NUP188: variants seen among roughly 807,000 people sequenced by gnomAD.
NUP188 encodes the protein nucleoporin NUP188.
A neutral mutation model predicts 223.0 loss-of-function variants in NUP188; 97 were observed. The ratio of observed to expected loss-of-function variants is 0.43; its 90% confidence interval spans 0.37 to 0.51. The LOEUF (loss-of-function observed/expected upper bound fraction) is 0.51. NUP188 is among the 20% of genes least tolerant of loss of function. NUP188 has a pLI of 0.00. For missense variants in NUP188, 1,947 were observed against 2,175.6 expected (o/e 0.89, Z 2.09); for synonymous variants, 869 against 828.0 (o/e 1.05, Z -0.85).
rs868722447 is a variant in NUP188, at chr9:128,994,735, C to A, written c.3088-121C>A. ...TCTTGCAAGTCAGGACATTCACATTCAACAGGGGTTGTGCTAACTTGTTCT... is the reference window on the plus strand; with the variant it reads ...TCTTGCAAGTCAGGACATTCACATTAAACAGGGGTTGTGCTAACTTGTTCT... On this transcript the variant is annotated intron_variant, in intron 28 of 43. Coordinates refer to ENST00000372577, the MANE Select transcript of NUP188 (RefSeq NM_015354.3). 1.6e-5 allele frequency: 13 copies of A among 836,726 alleles called. No homozygotes were observed. In the Middle Eastern group the frequency reaches 1.3e-3, roughly 84 times the overall value. 51.8% of individuals were successfully genotyped at this position (836,726 alleles called of 1,614,324 possible).
intron 12 of NUP188, 82 bp downstream of exon 12, chr9:128,973,331 A>G: frequency 2.3e-6 from 2 of 878,418 alleles, no homozygotes; most frequent in Non-Finnish European, 3.7e-6. Context: ...ATTGGATCTG[A>G]TATTATTTAC....
At chr9:128,983,787 G>A (rs1333323766) in intron 19 of NUP188, among the ~76,000 whole-genome samples, 2 of 151,798 alleles carry the variant, frequency 1.3e-5, no homozygotes, top group African/African-American at 4.8e-5. Flanking sequence ...GAGCCACCAC[G>A]CCCAGCTAAT....
At position 129,005,648 on chromosome 9, in the gene NUP188, C is replaced by T. The variant is rs2131203091; in HGVS notation, c.4741C>T (p.Leu1581=). ...DVCQILLDQS[L]DLAEYNFLFA... ...TGGCTCTTGTCTTTTCTCGCAGTCC[C>T]TGGACCTTGCTGAATACAACTTCCT... Residue 1581 remains leucine, a synonymous_variant, in exon 41 of 44, where the codon CTG becomes TTG. Transcript: ENST00000372577. 2 of 1,613,552 alleles carry T rather than the reference C, an allele frequency of 1.2e-6. No individual in the cohort carries two copies. Among genetic ancestry groups the T allele is most frequent in the African/African-American group, 1.3e-5 (1 of 75,028 alleles).
rs774514245 is a variant in NUP188, at chr9:128,983,376, C to A, written c.1880C>A (p.Ala627Glu). The change falls in exon 18 of 44, where the codon GCA becomes GAA. Residue 627 changes from alanine to glutamate, a missense_variant. Physicochemically the swap from Ala to Glu is moderately radical, Grantham distance 107. Transcript: ENST00000372577. ...CLTVLAARNPAKVWTDLRHTG... is the reference protein window; with the variant it reads ...CLTVLAARNPEKVWTDLRHTG... ...ACTGTTTTGGCTGCCCGCAATCCAGCAAAGGTGAGATGCCAGATCTTCCCA... is the reference window on the plus strand; with the variant it reads ...ACTGTTTTGGCTGCCCGCAATCCAGAAAAGGTGAGATGCCAGATCTTCCCA... 3 of 1,614,142 alleles carry A rather than the reference C, an allele frequency of 1.9e-6. No individual in the cohort carries two copies. The highest frequency in any genetic ancestry group is 1.1e-5 in the South Asian group (1 of 91,080).
intron 33 of NUP188, 77 bp downstream of exon 33, chr9:128,999,394 C>G: frequency 3.9e-6 from 6 of 1,538,596 alleles, no homozygotes; most frequent in Non-Finnish European, 5.3e-6. Context: ...CTTCCTTCAG[C>G]TTAGGGCCAC....
At chr9:128,968,378 A>G (rs893041903) in intron 8 of NUP188, 128 bp from the exon 9 acceptor site, 1 of 681,102 alleles carries the variant, frequency 1.5e-6, no homozygotes, top group Non-Finnish European at 2.5e-6. Flanking sequence ...CAGTTTGAGC[A>G]GCCATAATCT....
At chr9:128,966,288 T>TTG (rs980607915) in intron 8 of NUP188, among the ~76,000 whole-genome samples, 1 of 136,852 alleles carries the variant, frequency 7.3e-6, no homozygotes, top group Non-Finnish European at 1.6e-5. Flanking sequence ...GTGTGTGTGT[T>TTG]TGTGTGTGTG....
chr9:128,956,253 C>T (rs1370830838), intron 3 of NUP188, 97 bp from the exon 4 acceptor site: 3 of 605,742 alleles, frequency 5.0e-6, no homozygotes, highest in East Asian at 3.2e-5. Flanking sequence ...ATCTGAAGGG[C>T]AGAAAATAGT....
rs546459922 is a variant in NUP188 at position 128,987,679 on chromosome 9, G to C, written c.2355G>C (p.Val785=). 1 of 1,613,964 alleles carries C rather than the reference G, an allele frequency of 6.2e-7. No homozygotes were observed. The highest frequency in any genetic ancestry group is 1.3e-5 in the African/African-American group (1 of 75,048). ...QTVINIMGIG[V]DTIDMVMAAQ... is the part of the protein sequence containing the mutation. The stretch of plus-strand genomic sequence containing the variant: ...TTATCAATATCATGGGCATTGGCGT[G>C]GACACCATTGACATGGTGATGGCTG... Residue 785 remains valine, a synonymous_variant, in exon 23 of 44, where the codon GTG becomes GTC. Coordinates refer to ENST00000372577, the MANE Select transcript of NUP188 (RefSeq NM_015354.3).
rs1035173232 is a variant in NUP188, at chr9:129,006,788, A to AC, written c.*116dup. The AC allele has an allele frequency of 5.8e-5, 67 of 1,146,334 alleles. No individual in the cohort carries two copies. Among genetic ancestry groups the AC allele is most frequent in the Non-Finnish European group, 6.8e-5 (57 of 838,814 alleles). The allele number at this position is 1,146,334 out of a possible 1,614,324, so 71.0% of individuals were successfully genotyped here. A position where few individuals can be genotyped will look rare whatever the true frequency, so the allele number is the denominator to read the frequency against. On this transcript the variant is annotated 3_prime_UTR_variant, in exon 44 of 44. Transcript: ENST00000372577. Reference sequence around the variant, plus strand: ...TATACAATGGAGGGCACCTCCTGTCACCCCCCTCCCGGAGTAGCCACGACT... The same window carrying AC: ...TATACAATGGAGGGCACCTCCTGTCACCCCCCCTCCCGGAGTAGCCACGACT...
At chr9:128,981,152 C>A in intron 14 of NUP188, 112 bp from the exon 15 acceptor site, 1 of 1,300,106 alleles carries the variant, frequency 7.7e-7, no homozygotes, top group Non-Finnish European at 1.1e-6. Context: ...CAAGAACAGT[C>A]ACAGTGGTGG....
chr9:128,998,629 G>T lies in NUP188; in HGVS notation c.3515+6G>T, dbSNP rs541433461. 7.4e-6 allele frequency: 12 copies of T among 1,612,884 alleles called. No individual in the cohort carries two copies. The South Asian group carries it at 1.2e-4, about 16-fold the overall frequency. On this transcript the variant is annotated splice_donor_region_variant and intron_variant, in intron 32 of 43. Transcript: ENST00000372577. ...CTCCTCCGGCAGTGGAAGAGGTGAGGCTGTGCCAGGAGAGGCAAGCCCGAG... is the reference window on the plus strand; with the variant it reads ...CTCCTCCGGCAGTGGAAGAGGTGAGTCTGTGCCAGGAGAGGCAAGCCCGAG...
Position 129,001,227 on chromosome 9 carries a change from A to C in NUP188, c.3844-302A>C, listed in dbSNP as rs531412374. 2.6e-5 allele frequency among the ~76,000 whole-genome samples: 4 copies of C among 152,166 alleles called. No individual in the cohort carries two copies. The East Asian group carries it at 7.7e-4, about 29-fold the overall frequency. On this transcript the variant is annotated intron_variant, in intron 34 of 43. Transcript: ENST00000372577. Reference sequence around the variant, plus strand: ...TGTGGCAGAGTTGGTTGGAGTGTCCAACATGAGACGAGGTGGCTCTGACAA... The same window carrying C: ...TGTGGCAGAGTTGGTTGGAGTGTCCCACATGAGACGAGGTGGCTCTGACAA...
At chr9:128,951,834 C>G (rs1398908056) in intron 2 of NUP188, among the ~76,000 whole-genome samples, 1 of 141,946 alleles carries the variant, frequency 7.0e-6, no homozygotes, top group Non-Finnish European at 1.5e-5. Context: ...TGCTTGTTGT[C>G]CTGGCTAGAG....
At position 128,990,062 on chromosome 9, in the gene NUP188, C is replaced by T; in HGVS notation, c.2534-58C>T. ...GTGGGTCTTTTTTGAACAGTCAGTG[C>T]TCTAAGGACTTGAATTAGGCACACT... is the stretch of plus-strand genomic sequence containing the variant. On this transcript the variant is annotated intron_variant, in intron 24 of 43. Coordinates refer to ENST00000372577, the MANE Select transcript of NUP188 (RefSeq NM_015354.3). 3 of 1,305,612 alleles carry T rather than the reference C, an allele frequency of 2.3e-6. No homozygotes were observed. The South Asian group carries it at 3.5e-5, about 15-fold the overall frequency. The allele number at this position is 1,305,612 out of a possible 1,614,324, so 80.9% of individuals were successfully genotyped here. A position where few individuals can be genotyped will look rare whatever the true frequency, so the allele number is the denominator to read the frequency against.
chr9:128,984,614 A>AGGCTCGTACT (rs1193497438), intron 19 of NUP188, among the ~76,000 whole-genome samples: 1 of 152,194 alleles, frequency 6.6e-6, no homozygotes, highest in East Asian at 1.9e-4. Flanking sequence ...ACCAGTACAC[A>AGGCTCGTACT]GGCTCCATCT....
intron 8 of NUP188, among the ~76,000 whole-genome samples, chr9:128,967,629 AAAAG>A (rs1842048534): frequency 1.3e-5 from 2 of 152,064 alleles, no homozygotes; most frequent in South Asian, 2.1e-4. Context: ...GTCTCTACTA[AAAAG>A]AAAAAAATCA....
At chr9:128,985,510 A>G (rs909406465) in intron 20 of NUP188, among the ~76,000 whole-genome samples, 1 of 152,200 alleles carries the variant, frequency 6.6e-6, no homozygotes, top group African/African-American at 2.4e-5. Context: ...CGGTTTGAAA[A>G]ATACTGACAT....
chr9:128,995,596 G>C (rs1003399397), intron 30 of NUP188, 82 bp downstream of exon 30: 12 of 1,201,578 alleles, frequency 1.0e-5, no homozygotes, highest in Non-Finnish European at 8.3e-6. Context: ...ACAGCTCCTT[G>C]TGCGGAAGAA....
Sources: gnomAD v4.1 joint callset for allele counts (sites outside exome capture counted in the v4.1 genomes callset) on GRCh38, gnomAD v4.1.1 for gene constraint, MANE v1.5 for transcripts, NCBI Gene and HGNC (gene_info 2026-07-23, HGNC 2026-07-21) for gene names.